The following SYNE1 variants were observed in gnomAD, a reference collection of about 807,000 sequenced individuals.
SYNE1 encodes the protein nesprin-1.
Under a neutral mutation model 1,111.0 loss-of-function variants are expected in SYNE1, and 616 were observed. That is an observed-to-expected ratio of 0.55 (90% CI 0.52 to 0.59). The LOEUF (loss-of-function observed/expected upper bound fraction) is 0.59, where lower values mean the gene tolerates loss of function less well. Among genes scored for constraint, SYNE1 ranks in the 20% least tolerant of loss-of-function variants. SYNE1 has a pLI of 0.00. For missense variants in SYNE1, 10,006 were observed against 10,417.0 expected, an observed-to-expected ratio of 0.96 and a Z score of 1.72; for synonymous variants, 3,855 against 3,825.8, an observed-to-expected ratio of 1.01 and a Z score of -0.28.
Position 152,376,786 on chromosome 6 carries a change from C to G in SYNE1, c.9136G>C (p.Glu3046Gln). Residue 3046 changes from glutamate (E) to glutamine (Q), a missense_variant, in exon 57 of 146, where the codon GAG becomes CAG. Physicochemically the swap from Glu to Gln is conservative, Grantham distance 29 (BLOSUM62 2). Around this residue, in one of 7 missense-constraint regions of SYNE1, gnomAD observed 4,955 missense variants for 5,017.2 expected, o/e 0.99. Transcript: ENST00000367255. The stretch of plus-strand genomic sequence containing the variant: ...AAGGTTCATGCTCACCAATTATACT[C>G]TTTAATCAAGCCAGAAACTTTTCCA... ...YSGKVSGLIKEYNCLCLQASK... is the reference protein window; with the variant it reads ...YSGKVSGLIKQYNCLCLQASK... 6.2e-7 allele frequency: 1 copy of G among 1,613,872 alleles called. No individual in the cohort carries two copies. The highest frequency in any genetic ancestry group is 1.1e-5 in the South Asian group (1 of 91,074).
chr6:152,501,150 A>G (rs1219812009), intron 10 of SYNE1, among the ~76,000 whole-genome samples: 3 of 151,974 alleles, frequency 2.0e-5, no homozygotes, highest in Non-Finnish European at 2.9e-5. Flanking sequence ...GGAAGAAAGG[A>G]GAAAGGAAGA....
In SYNE1 at chr6:152,269,266, C is replaced by G. The variant is rs776024100; in HGVS notation, c.18594G>C (p.Glu6198Asp). 25 of 1,614,078 alleles carry G rather than the reference C, an allele frequency of 1.5e-5. No individual in the cohort carries two copies. Among genetic ancestry groups the G allele is most frequent in the Middle Eastern group, 1.6e-4 (1 of 6,082 alleles). Residue 6198 changes from glutamate to aspartate, a missense_variant, in exon 99 of 146, where the codon GAG becomes GAC. By Grantham distance (45) the Glu-to-Asp change is conservative. Around this residue, in one of 7 missense-constraint regions of SYNE1, gnomAD observed 2,182 missense variants for 2,287.8 expected, o/e 0.95. Transcript: ENST00000367255. The part of the protein sequence containing the change: ...LNMQGTAQEK[E>D]ESDVDLTATQ... The stretch of plus-strand genomic sequence containing the variant: ...TGGCTGTTAGGTCAACATCGCTCTC[C>G]TCCTTCTCCTGTGCTGTTCCCTGCT...
intron 18 of SYNE1, among the ~76,000 whole-genome samples, 166 bp downstream of exon 18, chr6:152,465,092 G>A (rs1280069604): frequency 6.6e-6 from 1 of 152,078 alleles, no homozygotes; most frequent in African/African-American, 2.4e-5. Flanking sequence ...ATTAAGCAGT[G>A]TATTTATTGG....
At chr6:152,490,876 CA>C (rs1436779641) in intron 11 of SYNE1, among the ~76,000 whole-genome samples, 1 of 152,204 alleles carries the variant, frequency 6.6e-6, no homozygotes, top group Admixed American at 6.5e-5. Context: ...TTACCAATTT[CA>C]AATCGGGCAA....
intron 45 of SYNE1, 53 bp from the exon 46 acceptor site, chr6:152,404,367 G>A: frequency 7.4e-7 from 1 of 1,356,700 alleles, no homozygotes; most frequent in Non-Finnish European, 1.1e-6. Context: ...TGCTATATTT[G>A]GCATTTAATA....
At chr6:152,136,365 C>A (rs1045299514) in intron 141 of SYNE1, among the ~76,000 whole-genome samples, 1 of 152,126 alleles carries the variant, frequency 6.6e-6, no homozygotes. Flanking sequence ...AGGAGCGTTG[C>A]GACGGAGATA....
chr6:152,467,047 G>C (rs2098773888), intron 16 of SYNE1, among the ~76,000 whole-genome samples: 1 of 152,024 alleles, frequency 6.6e-6, no homozygotes, highest in Admixed American at 6.6e-5. Flanking sequence ...CAATTTCATA[G>C]AAATCTCTGG....
intron 131 of SYNE1, among the ~76,000 whole-genome samples, chr6:152,157,748 A>G (rs995195112): frequency 2.0e-5 from 3 of 151,688 alleles, no homozygotes; most frequent in African/African-American, 7.3e-5. Flanking sequence ...CAGTTTCCTC[A>G]GAGAACAAAT....
chr6:152,400,228 A>T (rs79680388), intron 47 of SYNE1, among the ~76,000 whole-genome samples: 3,288 of 152,302 alleles, frequency 0.022, 39 homozygotes, highest in Middle Eastern at 0.034. Context: ...ATTTAAAAAA[A>T]AAAAAGGAAA....
intron 107 of SYNE1, among the ~76,000 whole-genome samples, chr6:152,240,401 T>C (rs2085326221): frequency 6.6e-6 from 1 of 152,242 alleles, no homozygotes; most frequent in Non-Finnish European, 1.5e-5. Flanking sequence ...TCATTCCATG[T>C]TGTCAAGCAC....
At position 152,149,575 on chromosome 6, in the gene SYNE1, C is replaced by A. The variant is rs1324239299; in HGVS notation, c.24544G>T (p.Ala8182Ser). ...TCTAGTTCCTCCTCGATGATCGCTG[C>A]ATCCAAGGGCTCACTCTTTTCTATC... The part of the protein sequence containing the change: ...QLIEKSEPLD[A>S]AIIEEELDEL... The change falls in exon 136 of 146, where the codon GCA (alanine) becomes TCA (serine). Residue 8182 changes from alanine to serine, a missense_variant. Transcript: ENST00000367255. 5.6e-6 allele frequency: 9 copies of A among 1,614,178 alleles called. No homozygotes were observed. Among genetic ancestry groups the A allele is most frequent in the Non-Finnish European group, 1.7e-6 (2 of 1,180,030 alleles).
intron 4 of SYNE1, among the ~76,000 whole-genome samples, chr6:152,527,451 A>G (rs968677394): frequency 8.5e-5 from 13 of 152,342 alleles, no homozygotes; most frequent in African/African-American, 3.1e-4. Context: ...TCTTACTTAC[A>G]TAGCAAAAAT....
At chr6:152,351,880 T>C in intron 70 of SYNE1, 147 bp downstream of exon 70, 1 of 723,532 alleles carries the variant, frequency 1.4e-6, no homozygotes, top group South Asian at 1.6e-5. Flanking sequence ...TCTCCATAGG[T>C]CATGGCATCA....
intron 100 of SYNE1, among the ~76,000 whole-genome samples, chr6:152,263,246 G>C (rs2092287529): frequency 6.6e-6 from 1 of 151,964 alleles, no homozygotes; most frequent in Non-Finnish European, 1.5e-5. Context: ...TGGGAAGGTA[G>C]TACAGGACAC....
chr6:152,479,201 T>C (rs1016543759), intron 14 of SYNE1, among the ~76,000 whole-genome samples: 4 of 151,734 alleles, frequency 2.6e-5, no homozygotes, highest in African/African-American at 9.7e-5. Flanking sequence ...GGGGAAGAGG[T>C]CAAGAACCTG....
intron 3 of SYNE1, among the ~76,000 whole-genome samples, chr6:152,604,132 T>C (rs1428974529): frequency 6.6e-6 from 1 of 150,890 alleles, no homozygotes; most frequent in Non-Finnish European, 1.5e-5. Context: ...CTATGGAATA[T>C]TTTCAGATAA....
At chr6:152,132,860 G>A (rs1189535513) in intron 143 of SYNE1, among the ~76,000 whole-genome samples, 2 of 140,672 alleles carry the variant, frequency 1.4e-5, no homozygotes, top group African/African-American at 5.5e-5. Flanking sequence ...AATGAGCAGA[G>A]GACTGTTTTT....
At chr6:152,612,338 A>T (rs557268982) in intron 3 of SYNE1, among the ~76,000 whole-genome samples, 1 of 151,638 alleles carries the variant, frequency 6.6e-6, no homozygotes, top group Non-Finnish European at 1.5e-5. Flanking sequence ...CCACAGAAAT[A>T]CAAACTATAA....
In SYNE1 at chr6:152,416,846, TGCC is replaced by T. The variant is rs1449037921; in HGVS notation, c.5588_5590del (p.Arg1863del). 6.2e-7 allele frequency: 1 copy of T among 1,614,008 alleles called. No individual in the cohort carries two copies. Among genetic ancestry groups the T allele is most frequent in the Non-Finnish European group, 8.5e-7 (1 of 1,179,972 alleles). ...TTCTGCCAAATGGGACAGGGCAAGC[TGCC>T]GCCTCTCCACAACCTGGCTGGCCTC... On this transcript the variant is annotated inframe_deletion, in exon 41 of 146. Transcript: ENST00000367255.
Sources: gnomAD v4.1 joint callset for allele counts (sites outside exome capture counted in the v4.1 genomes callset) on GRCh38, gnomAD v4.1.1 for gene constraint, gnomAD v4.1.1 regional missense constraint, MANE v1.5 for transcripts, NCBI Gene and HGNC (gene_info 2026-07-23, HGNC 2026-07-21) for gene names.